RUBCNL: variants seen among roughly 807,000 people sequenced by gnomAD.
RUBCNL encodes the protein rubicon like autophagy enhancer, also known as protein associated with UVRAG as autophagy enhancer.
In RUBCNL, 62 loss-of-function variants were observed where a neutral mutation model predicts 69.5. The ratio of observed to expected loss-of-function variants is 0.89; its 90% CI spans 0.73 to 1.10. RUBCNL has a LOEUF of 1.10. Ranked by LOEUF, RUBCNL falls within the 50% of genes least tolerant of loss-of-function variation. RUBCNL has a pLI of 0.00. For synonymous variants in RUBCNL, 291 were observed against 303.6 expected, an observed-to-expected ratio of 0.96 and a Z score of 0.43; for missense variants, 768 against 798.1, an observed-to-expected ratio of 0.96 and a Z score of 0.45.
intron 8 of RUBCNL, 29 bp from the exon 9 acceptor site, chr13:46,359,660 C>T (rs573791670): frequency 2.0e-6 from 3 of 1,509,722 alleles, no homozygotes; most frequent in African/African-American, 2.8e-5. Flanking sequence ...GATTTAGGAA[C>T]AACTTAAGCA....
upstream of RUBCNL, among the ~76,000 whole-genome samples, chr13:46,389,266 G>A (rs375115509): frequency 4.3e-4 from 66 of 152,314 alleles, no homozygotes; most frequent in South Asian, 0.013. The surrounding 1 kb of genome is among the most constrained non-coding windows in gnomAD (Gnocchi z 4.2). Flanking sequence ...AGGTAGCACA[G>A]TTAGGCTTTG....
rs977151185 is a variant in RUBCNL, at chr13:46,336,572, T to G, written c.*6813A>C. On this transcript the variant is annotated 3_prime_UTR_variant, in exon 15 of 15. Transcript: ENST00000429979. ...TTTTCTTAGCTAGACTTTTTTATTT[T>G]ATTATATTTTATTATAAAACAGTAT... Among the ~76,000 whole-genome samples, 1 of 152,136 alleles carries G rather than the reference T, an allele frequency of 6.6e-6. No homozygotes were observed. The highest frequency in any genetic ancestry group is 2.4e-5 in the African/African-American group (1 of 41,422).
At chr13:46,348,692 C>T (rs1332682206) in intron 12 of RUBCNL, among the ~76,000 whole-genome samples, 1 of 151,544 alleles carries the variant, frequency 6.6e-6, no homozygotes, top group Non-Finnish European at 1.5e-5. Context: ...CAACCTCTGC[C>T]TCCCAGGTTC....
rs369282050 is a variant in RUBCNL at position 46,338,595 on chromosome 13, C to T, written c.*4790G>A. Among the ~76,000 whole-genome samples the T allele has an allele frequency of 2.2e-3, 338 of 152,066 alleles. 4 individuals are homozygous for T. Among genetic ancestry groups the T allele is most frequent in the South Asian group, 0.012 (56 of 4,812 alleles). On this transcript the variant is annotated 3_prime_UTR_variant, in exon 15 of 15. Coordinates refer to ENST00000429979, the MANE Select transcript of RUBCNL (RefSeq NM_025113.5). The stretch of plus-strand genomic sequence containing the variant: ...CTCACCAATGGGGATGTACGTAGCC[C>T]GAGGAAGGCCAGAGCAGGGCCTCTT...
At chr13:46,362,962 A>ATATATATATATATATATATC (rs2048663147) in intron 6 of RUBCNL, among the ~76,000 whole-genome samples, 153 bp downstream of exon 6, 1 of 94,220 alleles carries the variant, frequency 1.1e-5, no homozygotes, top group Non-Finnish European at 2.0e-5. Context: ...ATATATATAT[A>ATATATATATATATATATATC]TATATATATA....
chr13:46,368,725 G>A lies in RUBCNL; in HGVS notation c.618+8C>T. ...TCTATGGTTAAAAAGAAAGAAGATA[G>A]CATTCACCTTTTCTACATCAACAGG... On this transcript the variant is annotated splice_region_variant and intron_variant, in intron 4 of 14. Transcript: ENST00000429979. The A allele has an allele frequency of 6.2e-7, 1 of 1,606,222 alleles. No individual in the cohort carries two copies. The highest frequency in any genetic ancestry group is 8.5e-7 in the Non-Finnish European group (1 of 1,174,238).
At chr13:46,366,996 T>A (rs190465247) in intron 5 of RUBCNL, among the ~76,000 whole-genome samples, 2 of 152,194 alleles carry the variant, frequency 1.3e-5, no homozygotes, top group East Asian at 3.9e-4. Flanking sequence ...TGAGAAGGAA[T>A]AATTGAAGGT....
chr13:46,362,366 T>C (rs111458740), intron 7 of RUBCNL, among the ~76,000 whole-genome samples, 172 bp downstream of exon 7: 4 of 152,204 alleles, frequency 2.6e-5, no homozygotes, highest in Non-Finnish European at 5.9e-5. Context: ...TAAAACACTA[T>C]AGAAACTTTG....
chr13:46,378,025 T>C lies in RUBCNL; in HGVS notation c.-238-20A>G. 3 of 1,368,464 alleles carry C rather than the reference T, an allele frequency of 2.2e-6. No individual in the cohort carries two copies. Among genetic ancestry groups the C allele is most frequent in the Non-Finnish European group, 3.0e-6 (3 of 999,102 alleles). The allele number at this position is 1,368,464 out of a possible 1,614,324, so 84.8% of individuals were successfully genotyped here. A position where few individuals can be genotyped will look rare whatever the true frequency, so the allele number is the denominator to read the frequency against. On this transcript the variant is annotated intron_variant, in intron 1 of 14. Coordinates refer to ENST00000429979, the MANE Select transcript of RUBCNL (RefSeq NM_025113.5). The stretch of plus-strand genomic sequence containing the variant: ...TTTTATCTGTAAGGCAAAAAACAAT[T>C]TGCCAGATGCTATGATACCACTGCC...
chr13:46,372,744 G>T, intron 2 of RUBCNL, 147 bp from the exon 3 acceptor site: 1 of 539,696 alleles, frequency 1.9e-6, no homozygotes, highest in Non-Finnish European at 2.9e-6. Context: ...ATTTATAAGT[G>T]AAAAAATAAA....
chr13:46,345,740 A>G (rs951348089), intron 12 of RUBCNL, 140 bp from the exon 13 acceptor site: 26 of 816,628 alleles, frequency 3.2e-5, no homozygotes, highest in Middle Eastern at 3.7e-4. Context: ...TCCAAGAACA[A>G]CAGTGAACCA....
chr13:46,371,867 AAGGC>A, intron 3 of RUBCNL, 70 bp downstream of exon 3: 1 of 1,470,598 alleles, frequency 6.8e-7, no homozygotes, highest in South Asian at 1.3e-5. Flanking sequence ...GGAAGACAAC[AAGGC>A]AGGCTTTAGA....
At chr13:46,353,253 T>C (rs989621598) in intron 10 of RUBCNL, among the ~76,000 whole-genome samples, 5 of 152,210 alleles carry the variant, frequency 3.3e-5, no homozygotes, top group African/African-American at 1.2e-4. Flanking sequence ...GATAGTTATG[T>C]TCTCTAGAGT....
At chr13:46,385,852 C>CAAAAAAAAAAAAAAAAAAAA in intron 1 of RUBCNL, among the ~76,000 whole-genome samples, 1 of 152,262 alleles carries the variant, frequency 6.6e-6, no homozygotes, top group East Asian at 1.9e-4. Flanking sequence ...CCTCAATTTT[C>CAAAAAAAAAAAAAAAAAAAA]ATCAAAGTTC....
intron 6 of RUBCNL, among the ~76,000 whole-genome samples, 154 bp downstream of exon 6, chr13:46,362,961 T>TATATAG (rs1478948592): frequency 8.0e-5 from 10 of 125,536 alleles, no homozygotes; most frequent in Non-Finnish European, 1.3e-4. Flanking sequence ...TATATATATA[T>TATATAG]ATATATATAT....
chr13:46,359,663 C>T (rs369757986), intron 8 of RUBCNL, 32 bp from the exon 9 acceptor site: 12 of 1,494,516 alleles, frequency 8.0e-6, no homozygotes, highest in Non-Finnish European at 1.1e-5. Context: ...TTAGGAACAA[C>T]TTAAGCATAT....
intron 10 of RUBCNL, chr13:46,354,722 C>T (rs1476436135): frequency 2.2e-6 from 1 of 452,974 alleles, no homozygotes; most frequent in Non-Finnish European, 4.5e-6. Flanking sequence ...GCACTCTTGA[C>T]TCTTTTGTTA....
chr13:46,349,458 A>T, intron 11 of RUBCNL, 111 bp from the exon 12 acceptor site: 1 of 1,053,594 alleles, frequency 9.5e-7, no homozygotes, highest in East Asian at 2.5e-5. Context: ...CACTTGTATA[A>T]AACAAACCTT....
chr13:46,374,953 GAT>G (rs1240246910), intron 2 of RUBCNL, among the ~76,000 whole-genome samples: 2 of 152,256 alleles, frequency 1.3e-5, no homozygotes, highest in African/African-American at 4.8e-5. Context: ...CTTCCTCAAA[GAT>G]ATCTTTCCTA....
Sources: allele counts gnomAD v4.1 joint callset (sites outside exome capture counted in the v4.1 genomes callset), GRCh38; gene constraint gnomAD v4.1.1; non-coding constraint Gnocchi (gnomAD v3.1); transcripts MANE v1.5; gene names NCBI Gene and HGNC (gene_info 2026-07-23, HGNC 2026-07-21).